The following ZFHX3 variants were observed in gnomAD, a reference collection of about 807,000 sequenced individuals.
ZFHX3 encodes the protein zinc finger homeobox protein 3.
Under a neutral mutation model 279.1 loss-of-function variants are expected in ZFHX3, and 42 were observed. That is an observed-to-expected ratio of 0.15 (90% CI 0.12 to 0.19). The LOEUF (loss-of-function observed/expected upper bound fraction) is 0.19, where lower values mean the gene tolerates loss of function less well. Among genes scored for constraint, ZFHX3 ranks in the 10% least tolerant of loss-of-function variants. The pLI, the probability that ZFHX3 is intolerant of heterozygous loss-of-function variation, is 1.00. For missense variants in ZFHX3, 4,981 were observed against 4,754.0 expected, an observed-to-expected ratio of 1.05 and a Z score of -1.40; for synonymous variants, 2,293 against 1,957.8, an observed-to-expected ratio of 1.17 and a Z score of -4.52.
At chr16:73,390,793 C>T (rs1355371999) in intron 3 of ZFHX3, among the ~76,000 whole-genome samples, 2 of 151,920 alleles carry the variant, frequency 1.3e-5, no homozygotes, top group African/African-American at 4.8e-5. Flanking sequence ...TTTGCTTCTC[C>T]AAACACCCAC....
intron 3 of ZFHX3, among the ~76,000 whole-genome samples, chr16:72,910,454 G>A (rs559242707): frequency 1.3e-5 from 2 of 152,330 alleles, no homozygotes; most frequent in East Asian, 1.9e-4. Context: ...AATCTGGATT[G>A]AGAAAAATGA....
chr16:73,360,366 G>T (rs1334941408), intron 3 of ZFHX3, among the ~76,000 whole-genome samples: 2 of 152,180 alleles, frequency 1.3e-5, no homozygotes, highest in South Asian at 2.1e-4. Context: ...TGAGACGAAG[G>T]CTTACTCTGT....
intron 1 of ZFHX3, among the ~76,000 whole-genome samples, chr16:72,974,526 A>G (rs1157325389): frequency 2.6e-5 from 4 of 151,842 alleles, no homozygotes; most frequent in African/African-American, 9.7e-5. Flanking sequence ...GCACCATGAC[A>G]AAACAAACAA....
chr16:72,842,257 G>A, intron 4 of ZFHX3, among the ~76,000 whole-genome samples: 1 of 149,022 alleles, frequency 6.7e-6, no homozygotes, highest in Non-Finnish European at 1.5e-5. Flanking sequence ...TTGCCCTGTT[G>A]CCCAGGCTGG....
At chr16:72,974,223 C>T (rs1471808568) in intron 1 of ZFHX3, among the ~76,000 whole-genome samples, 1 of 152,190 alleles carries the variant, frequency 6.6e-6, no homozygotes. Context: ...GAACATGGTA[C>T]AGCTGCTTTT....
intron 5 of ZFHX3, among the ~76,000 whole-genome samples, chr16:73,145,486 C>G (rs1464455337): frequency 6.6e-6 from 1 of 152,232 alleles, no homozygotes; most frequent in African/African-American, 2.4e-5. Flanking sequence ...TGGAAACCTG[C>G]CAGTCTCAGA....
intron 2 of ZFHX3, among the ~76,000 whole-genome samples, chr16:73,676,926 A>G (rs1376774473): frequency 6.6e-6 from 1 of 152,038 alleles, no homozygotes; most frequent in Non-Finnish European, 1.5e-5. Flanking sequence ...CATGTGTCAA[A>G]TAACGCAACA....
intron 2 of ZFHX3, among the ~76,000 whole-genome samples, chr16:73,541,132 G>A (rs2020002989): frequency 6.6e-6 from 1 of 152,074 alleles, no homozygotes; most frequent in Admixed American, 6.5e-5. Flanking sequence ...CCACCTTTAT[G>A]AATATTTATT....
At chr16:73,848,330 T>C (rs1009644799) in intron 1 of ZFHX3, among the ~76,000 whole-genome samples, 1 of 152,142 alleles carries the variant, frequency 6.6e-6, no homozygotes, top group African/African-American at 2.4e-5. Flanking sequence ...CACTGGTCTA[T>C]GCTCAGGACT....
At chr16:73,654,603 G>T (rs2052703812) in intron 2 of ZFHX3, among the ~76,000 whole-genome samples, 1 of 151,810 alleles carries the variant, frequency 6.6e-6, no homozygotes, top group Admixed American at 6.6e-5. Flanking sequence ...AATTTAAAAA[G>T]GTAATACAGC....
intron 2 of ZFHX3, among the ~76,000 whole-genome samples, chr16:73,590,763 T>C (rs2051986202): frequency 6.6e-6 from 1 of 152,208 alleles, no homozygotes; most frequent in African/African-American, 2.4e-5. Context: ...AGGCACATCA[T>C]AGGATATTGC....
chr16:72,861,604 G>A (rs1375680304), intron 4 of ZFHX3, among the ~76,000 whole-genome samples: 1 of 152,138 alleles, frequency 6.6e-6, no homozygotes, highest in Non-Finnish European at 1.5e-5. Context: ...TCCAGGAATG[G>A]AAAAATACAT....
intron 1 of ZFHX3, among the ~76,000 whole-genome samples, chr16:73,760,824 C>T (rs913280376): frequency 3.3e-5 from 5 of 151,778 alleles, no homozygotes; most frequent in Non-Finnish European, 7.4e-5. Context: ...AGGAATGTAC[C>T]TCAAAATAAT....
chr16:73,809,596 G>A (rs1311447552), intron 1 of ZFHX3: 3 of 152,152 alleles, frequency 2.0e-5, no homozygotes, highest in Non-Finnish European at 4.4e-5. Context: ...ATTGACTGGG[G>A]GAGTCGGTGG....
intron 1 of ZFHX3, among the ~76,000 whole-genome samples, chr16:73,693,723 G>C (rs996081219): frequency 1.3e-5 from 2 of 152,110 alleles, no homozygotes; most frequent in Non-Finnish European, 2.9e-5. Context: ...CCTCCCTTCA[G>C]TTAGGATTTC....
intron 4 of ZFHX3, among the ~76,000 whole-genome samples, chr16:72,847,561 G>A (rs932671395): frequency 6.6e-6 from 1 of 152,106 alleles, no homozygotes; most frequent in Non-Finnish European, 1.5e-5. Context: ...CAGGGCAGCT[G>A]ATCCACACAC....
chr16:73,775,861 A>G (rs1386916991), intron 1 of ZFHX3, among the ~76,000 whole-genome samples: 2 of 152,128 alleles, frequency 1.3e-5, no homozygotes, highest in African/African-American at 4.8e-5. Context: ...CTCTCCCTCA[A>G]TTCTGGAGAG....
chr16:72,914,231 C>G (rs1335482836), intron 3 of ZFHX3, among the ~76,000 whole-genome samples: 3 of 152,198 alleles, frequency 2.0e-5, no homozygotes, highest in African/African-American at 7.2e-5. Flanking sequence ...GGAGGCCCAA[C>G]AAAACCAAGA....
intron 2 of ZFHX3, among the ~76,000 whole-genome samples, chr16:73,556,305 A>G (rs2020281340): frequency 6.6e-6 from 1 of 152,178 alleles, no homozygotes; most frequent in Non-Finnish European, 1.5e-5. Context: ...GAAGGAGAGA[A>G]CGAAAGGAGT....
Sources: allele counts gnomAD v4.1 joint callset (sites outside exome capture counted in the v4.1 genomes callset), GRCh38; gene constraint gnomAD v4.1.1; transcripts MANE v1.5; gene names NCBI Gene and HGNC (gene_info 2026-07-23, HGNC 2026-07-21).